GRHL2: variants seen among roughly 807,000 people sequenced by gnomAD.
GRHL2 encodes the protein grainyhead-like protein 2 homolog.
In GRHL2, 21 loss-of-function variants were observed where a neutral mutation model predicts 83.8. The ratio of observed to expected loss-of-function variants is 0.25; its 90% CI spans 0.18 to 0.36. The LOEUF is 0.36. Ranked by LOEUF, GRHL2 falls within the 10% of genes least tolerant of loss-of-function variation. The pLI is 1.00. For synonymous variants in GRHL2, 280 were observed against 278.9 expected, an observed-to-expected ratio of 1.00 and a Z score of -0.04; for missense variants, 623 against 781.8, an observed-to-expected ratio of 0.80 and a Z score of 2.42.
At position 101,669,328 on chromosome 8, in the gene GRHL2, T is replaced by A. The variant is rs1375373029; in HGVS notation, c.*2625T>A. 7.1e-6 allele frequency: 1 copy of A among 141,446 alleles called. No homozygotes were observed. The highest frequency in any genetic ancestry group is 1.5e-5 in the Non-Finnish European group (1 of 66,102). 8.8% of individuals were successfully genotyped at this position (141,446 alleles called of 1,614,324 possible). A position where few individuals can be genotyped will look rare whatever the true frequency, so the allele number is the denominator to read the frequency against. Reference sequence around the variant, plus strand: ...TCATACATCTCCAAATTGTTTAAACTTACTTTATGAGTGTTTGTTTAGAAG... The same window carrying A: ...TCATACATCTCCAAATTGTTTAAACATACTTTATGAGTGTTTGTTTAGAAG... On this transcript the variant is annotated 3_prime_UTR_variant, in exon 16 of 16. Transcript: ENST00000646743.
chr8:101,588,201 G>C (rs1812207126), intron 7 of GRHL2, among the ~76,000 whole-genome samples: 1 of 152,174 alleles, frequency 6.6e-6, no homozygotes, highest in African/African-American at 2.4e-5. Context: ...AAGGCAGCCA[G>C]CTTAATGAGG....
intron 15 of GRHL2, 48 bp from the exon 16 acceptor site, chr8:101,666,541 T>C (rs772843445): frequency 1.8e-6 from 2 of 1,114,844 alleles, no homozygotes; most frequent in Non-Finnish European, 2.8e-6. Flanking sequence ...CCTGGGCACA[T>C]TGTTCACGGC....
chr8:101,550,326 A>G (rs186761423), intron 2 of GRHL2, among the ~76,000 whole-genome samples: 1 of 152,218 alleles, frequency 6.6e-6, no homozygotes, highest in East Asian at 1.9e-4. Flanking sequence ...AGGACCCAAA[A>G]GATAGTTTTT....
intron 14 of GRHL2, among the ~76,000 whole-genome samples, chr8:101,655,930 C>T: frequency 6.6e-6 from 1 of 152,168 alleles, no homozygotes; most frequent in East Asian, 1.9e-4. Flanking sequence ...ATCCCCAAGG[C>T]CAGCAGGGCC....
At chr8:101,561,631 G>A (rs1811610025) in intron 4 of GRHL2, among the ~76,000 whole-genome samples, 1 of 152,152 alleles carries the variant, frequency 6.6e-6, no homozygotes, top group Admixed American at 6.5e-5. Context: ...TTAATAAAGG[G>A]AACATTTTAC....
In GRHL2 at chr8:101,666,758, G is replaced by A. The variant is rs1240131169; in HGVS notation, c.*55G>A. 16 of 1,039,470 alleles carry A rather than the reference G, an allele frequency of 1.5e-5. No individual in the cohort carries two copies. Among genetic ancestry groups the A allele is most frequent in the Non-Finnish European group, 2.4e-5 (16 of 659,060 alleles). 64.4% of individuals were successfully genotyped at this position (1,039,470 alleles called of 1,614,324 possible). ...GCTCTCAGTGCGTTCCTCCCTGAGAGAGACAGAAGCCCCAGCCCCAGAACC... is the reference window on the plus strand; with the variant it reads ...GCTCTCAGTGCGTTCCTCCCTGAGAAAGACAGAAGCCCCAGCCCCAGAACC... On this transcript the variant is annotated 3_prime_UTR_variant, in exon 16 of 16. Coordinates refer to ENST00000646743, the MANE Select transcript of GRHL2 (RefSeq NM_024915.4).
chr8:101,566,863 T>TTTGA (rs142888140), intron 4 of GRHL2, among the ~76,000 whole-genome samples: 2,160 of 152,176 alleles, frequency 0.014, 55 homozygotes, highest in African/African-American at 0.049. Flanking sequence ...TTTTAAAATA[T>TTTGA]TTGATTAGCG....
chr8:101,661,105 A>G (rs1813910268), intron 14 of GRHL2, among the ~76,000 whole-genome samples: 1 of 152,194 alleles, frequency 6.6e-6, no homozygotes, highest in African/African-American at 2.4e-5. Flanking sequence ...ACAAATTCGT[A>G]AACTTTCTTA....
chr8:101,521,768 G>C (rs1810689224), intron 1 of GRHL2, among the ~76,000 whole-genome samples: 1 of 152,130 alleles, frequency 6.6e-6, no homozygotes, highest in Non-Finnish European at 1.5e-5. Context: ...CTAGGGATTA[G>C]GGCCGATTAT....
chr8:101,634,193 A>G (rs1226499602), intron 11 of GRHL2, among the ~76,000 whole-genome samples: 1 of 152,128 alleles, frequency 6.6e-6, no homozygotes, highest in Non-Finnish European at 1.5e-5. Flanking sequence ...CAGAGCTCTC[A>G]GGCTTCTCCC....
chr8:101,582,321 C>T (rs745609562), intron 7 of GRHL2, among the ~76,000 whole-genome samples: 1 of 151,988 alleles, frequency 6.6e-6, no homozygotes, highest in Non-Finnish European at 1.5e-5. Flanking sequence ...TGGATACTCT[C>T]ATGCACGCTA....
chr8:101,591,090 GA>G (rs1664233134), intron 7 of GRHL2, among the ~76,000 whole-genome samples: 1 of 152,024 alleles, frequency 6.6e-6, no homozygotes, highest in Non-Finnish European at 1.5e-5. Flanking sequence ...ACAGAAGTCT[GA>G]ATTTAAAAAC....
chr8:101,608,102 C>T (rs1355962415), intron 8 of GRHL2, among the ~76,000 whole-genome samples: 1 of 152,192 alleles, frequency 6.6e-6, no homozygotes, highest in Non-Finnish European at 1.5e-5. Context: ...TCAGTGATTA[C>T]CATATACCAG....
chr8:101,602,787 T>A (rs1029662904), intron 8 of GRHL2, among the ~76,000 whole-genome samples: 3 of 152,218 alleles, frequency 2.0e-5, no homozygotes, highest in East Asian at 3.9e-4. Flanking sequence ...CCCAACTATG[T>A]CCCCCAGGCA....
chr8:101,494,091 G>A (rs1810041766), intron 1 of GRHL2, among the ~76,000 whole-genome samples: 3 of 152,156 alleles, frequency 2.0e-5, no homozygotes. Flanking sequence ...TAACTTTGCC[G>A]TGGCGTTGCG....
Position 101,666,679 on chromosome 8 carries a change from C to T in GRHL2, c.1854C>T (p.Phe618=). 6.2e-7 allele frequency: 1 copy of T among 1,611,902 alleles called. No homozygotes were observed. The change falls in exon 16 of 16, where the codon TTC becomes TTT. Residue 618 remains phenylalanine (F), a synonymous_variant. Coordinates refer to ENST00000646743, the MANE Select transcript of GRHL2 (RefSeq NM_024915.4). ...ILNMESMVEG[F]KVTLMEI Reference sequence around the variant, plus strand: ...ACATGGAGAGCATGGTGGAGGGCTTCAAGGTCACGCTCATGGAAATCTAGC... The same window carrying T: ...ACATGGAGAGCATGGTGGAGGGCTTTAAGGTCACGCTCATGGAAATCTAGC...
Position 101,552,571 on chromosome 8 carries a change from T to G in GRHL2, c.217-144T>G, listed in dbSNP as rs1586087589. On this transcript the variant is annotated intron_variant, in intron 2 of 15. Transcript: ENST00000646743. ...CATTGTCACTCAGGCTACTAGCCTT[T>G]ATCATCTCCTGGTGATAGCAACTTT... 3 of 738,278 alleles carry G rather than the reference T, an allele frequency of 4.1e-6. No individual in the cohort carries two copies. The East Asian group carries it at 8.1e-5, about 20-fold the overall frequency. 45.7% of individuals were successfully genotyped at this position (738,278 alleles called of 1,614,324 possible). A position where few individuals can be genotyped will look rare whatever the true frequency, so the allele number is the denominator to read the frequency against.
At chr8:101,521,457 G>T (rs1219000813) in intron 1 of GRHL2, among the ~76,000 whole-genome samples, 1 of 152,126 alleles carries the variant, frequency 6.6e-6, no homozygotes, top group African/African-American at 2.4e-5. Context: ...GCTACCACAT[G>T]GTCCCCATGA....
At chr8:101,607,955 T>C (rs111816716) in intron 8 of GRHL2, among the ~76,000 whole-genome samples, 101 of 152,236 alleles carry the variant, frequency 6.6e-4, no homozygotes, top group Non-Finnish European at 1.3e-3. Context: ...GAAGTATCCA[T>C]GGTTTCTGGA....
Sources: allele counts gnomAD v4.1 joint callset (sites outside exome capture counted in the v4.1 genomes callset), GRCh38; gene constraint gnomAD v4.1.1; transcripts MANE v1.5; gene names NCBI Gene and HGNC (gene_info 2026-07-23, HGNC 2026-07-21).